DMD: variants seen among roughly 807,000 people sequenced by gnomAD.
The protein encoded by DMD is mutant dystrophin.
A neutral mutation model predicts 330.1 loss-of-function variants in DMD; 63 were observed. That is an observed-to-expected ratio of 0.19 (90% CI 0.16 to 0.24). The LOEUF (loss-of-function observed/expected upper bound fraction) is 0.24. Ranked by LOEUF, DMD falls within the 10% of genes least tolerant of loss-of-function variation. The pLI is 1.00. For synonymous variants in DMD, 1,223 were observed against 959.8 expected, an observed-to-expected ratio of 1.27 and a Z score of -5.07; for missense variants, 3,344 against 2,684.1, an observed-to-expected ratio of 1.25 and a Z score of -5.43.
intron 36 of DMD, among the ~76,000 whole-genome samples, chrX:32,363,351 T>C (rs1275526178): frequency 8.9e-6 from 1 of 111,969 alleles, no homozygotes; most frequent in Non-Finnish European, 1.9e-5. Context: ...TGGAATGAAC[T>C]AAGTATGTGC....
At chrX:31,612,786 A>T (rs2077996557) in intron 55 of DMD, among the ~76,000 whole-genome samples, 1 of 112,524 alleles carries the variant, frequency 8.9e-6, no homozygotes, top group Middle Eastern at 4.2e-3. Context: ...TTGCTATTCG[A>T]GAGGTATTTA....
At chrX:33,116,085 C>T (rs978251728) in intron 1 of DMD, among the ~76,000 whole-genome samples, 2 of 109,220 alleles carry the variant, frequency 1.8e-5, no homozygotes, top group Admixed American at 9.8e-5. Context: ...CCCTGCTATT[C>T]GGGAGGCTGA....
intron 54 of DMD, among the ~76,000 whole-genome samples, chrX:31,653,208 C>T (rs1037674782): frequency 1.6e-4 from 18 of 110,553 alleles, no homozygotes; most frequent in East Asian, 2.9e-4. Context: ...TTGTCAAAGA[C>T]GGAGAAAACA....
At chrX:31,441,164 G>A (rs758489764) in intron 60 of DMD, among the ~76,000 whole-genome samples, 1 of 111,813 alleles carries the variant, frequency 8.9e-6, no homozygotes, top group Non-Finnish European at 1.9e-5. Flanking sequence ...GTTTACATCT[G>A]CCTTTCTACT....
At chrX:31,200,997 T>C (rs964623538) in intron 67 of DMD, among the ~76,000 whole-genome samples, 2 of 111,869 alleles carry the variant, frequency 1.8e-5, no homozygotes, top group Non-Finnish European at 3.8e-5. Flanking sequence ...GTTACCACCA[T>C]TCATATCTTG....
At chrX:33,062,474 T>A (rs1438197990) in intron 1 of DMD, among the ~76,000 whole-genome samples, 2 of 112,199 alleles carry the variant, frequency 1.8e-5, no homozygotes, top group Non-Finnish European at 3.8e-5. Flanking sequence ...TGTTTTTATT[T>A]ATTTATCTAT....
intron 51 of DMD, among the ~76,000 whole-genome samples, chrX:31,735,614 A>G (rs768493577): frequency 8.0e-4 from 90 of 112,379 alleles, no homozygotes; most frequent in African/African-American, 2.8e-3. Context: ...GTGCATGACC[A>G]TTATTTCCAA....
chrX:33,140,315 C>A (rs1467338272), intron 1 of DMD, among the ~76,000 whole-genome samples: 1 of 111,723 alleles, frequency 9.0e-6, no homozygotes, highest in African/African-American at 3.3e-5. Flanking sequence ...ACAGTTTGGG[C>A]TTTTGTGTTA....
chrX:31,650,458 T>C (rs1335465564), intron 54 of DMD, among the ~76,000 whole-genome samples: 4 of 111,455 alleles, frequency 3.6e-5, no homozygotes, highest in Non-Finnish European at 7.5e-5. Context: ...AATTGTTTCA[T>C]TCAATTACAA....
Position 33,231,710 on chromosome X carries a change from CAAGTG to C in DMD, c.7+107544_7+107548del, listed in dbSNP as rs772259079. ...CCCAGCCTTACCATGCCTGAAGAGT[CAAGTG>C]AAGGAAGTAGGATTTTCTAAATCCA... On this transcript the variant is annotated intron_variant, in intron 1 of 17. Transcript: ENST00000288447. 3.4e-4 allele frequency among the ~76,000 whole-genome samples: 38 copies of C among 111,347 alleles called. 1 individual carries two copies. In the East Asian group the frequency reaches 0.01, roughly 30 times the overall value.
intron 62 of DMD, among the ~76,000 whole-genome samples, chrX:31,276,211 C>T (rs780632772): frequency 9.0e-6 from 1 of 111,356 alleles, no homozygotes; most frequent in African/African-American, 3.3e-5. Flanking sequence ...TGCCTGCCAC[C>T]ACGCCCGGCT....
intron 12 of DMD, among the ~76,000 whole-genome samples, chrX:32,611,380 A>T (rs896574407): frequency 1.8e-5 from 2 of 111,179 alleles, no homozygotes; most frequent in Non-Finnish European, 3.8e-5. Flanking sequence ...AATGTTACAT[A>T]ATCAACTTGC....
intron 44 of DMD, among the ~76,000 whole-genome samples, chrX:32,104,582 C>T (rs773985805): frequency 1.8e-5 from 2 of 111,669 alleles, no homozygotes; most frequent in Non-Finnish European, 3.8e-5. Flanking sequence ...ATCTCATAAA[C>T]TTGTCTGCAC....
chrX:32,237,352 T>A (rs2097191804), intron 43 of DMD, among the ~76,000 whole-genome samples: 1 of 111,042 alleles, frequency 9.0e-6, no homozygotes, highest in Admixed American at 9.7e-5. Flanking sequence ...TTCGAATACA[T>A]TAGATTTTTT....
chrX:31,753,783 T>C (rs1452022936), intron 51 of DMD, among the ~76,000 whole-genome samples: 2 of 111,820 alleles, frequency 1.8e-5, no homozygotes, highest in African/African-American at 3.2e-5. Context: ...AAATTTTGTG[T>C]GGAAAGGCTT....
intron 59 of DMD, among the ~76,000 whole-genome samples, chrX:31,461,878 T>A (rs751306332): frequency 9.0e-5 from 10 of 111,230 alleles, no homozygotes; most frequent in Non-Finnish European, 1.7e-4. Flanking sequence ...ACTATTAATG[T>A]CTTATAGCTA....
At chrX:31,835,470 A>T (rs1267168186) in intron 49 of DMD, among the ~76,000 whole-genome samples, 1 of 112,025 alleles carries the variant, frequency 8.9e-6, no homozygotes, top group Non-Finnish European at 1.9e-5. Flanking sequence ...CTAAATACTG[A>T]GCACATTGTT....
chrX:32,960,254 T>G (rs2091827154), intron 2 of DMD: 1 of 109,441 alleles, frequency 9.1e-6, no homozygotes, highest in East Asian at 2.9e-4. Context: ...TGAACAGGAG[T>G]GAGGCTCCAC....
chrX:31,604,762 A>C (rs1167558253), intron 55 of DMD, among the ~76,000 whole-genome samples: 1 of 111,826 alleles, frequency 8.9e-6, no homozygotes. Flanking sequence ...AAAAAGAGTG[A>C]GTTGAAAATT....
Sources: gnomAD v4.1 joint callset for allele counts (sites outside exome capture counted in the v4.1 genomes callset) on GRCh38, gnomAD v4.1.1 for gene constraint, MANE v1.5 for transcripts, NCBI Gene and HGNC (gene_info 2026-07-23, HGNC 2026-07-21) for gene names.